The following RPS6KA2 variants were observed in gnomAD, a reference collection of about 807,000 sequenced individuals.
RPS6KA2 encodes ribosomal protein S6 kinase alpha-2.
A neutral mutation model predicts 91.8 loss-of-function variants in RPS6KA2; 42 were observed. The observed-to-expected ratio is 0.46, with a 90% CI of 0.36 to 0.59. RPS6KA2 has a LOEUF of 0.59. Among genes scored for constraint, RPS6KA2 ranks in the 20% least tolerant of loss-of-function variants. The pLI, the probability that RPS6KA2 is intolerant of heterozygous loss-of-function variation, is 0.00. For synonymous variants in RPS6KA2, 414 were observed against 393.6 expected (o/e 1.05, Z -0.61); for missense variants, 798 against 978.5 (o/e 0.82, Z 2.46).
At chr6:166,851,661 TAG>T (rs1165162362) in intron 2 of RPS6KA2, among the ~76,000 whole-genome samples, 1 of 152,186 alleles carries the variant, frequency 6.6e-6, no homozygotes, top group African/African-American at 2.4e-5. Context: ...CCCACGATTT[TAG>T]AGACTGTTCC....
At chr6:166,841,926 T>C (rs1414448508) in intron 2 of RPS6KA2, among the ~76,000 whole-genome samples, 1 of 152,134 alleles carries the variant, frequency 6.6e-6, no homozygotes, top group East Asian at 1.9e-4. Context: ...GCCTCAGGTC[T>C]TCCCTAAGGG....
At chr6:166,519,264 C>T (rs188768065) in intron 3 of RPS6KA2, among the ~76,000 whole-genome samples, 2 of 152,318 alleles carry the variant, frequency 1.3e-5, no homozygotes, top group Admixed American at 1.3e-4. Context: ...GGAGCCAGGC[C>T]ATTTGGCCCA....
chr6:166,626,924 G>C lies in RPS6KA2; in HGVS notation c.96C>G (p.Leu32=). The change falls in exon 1 of 21, where the codon CTC becomes CTG. Residue 32 remains leucine, a synonymous_variant. Coordinates refer to ENST00000265678, the MANE Select transcript of RPS6KA2 (RefSeq NM_021135.6). This position sits in a 1 kb window ranked among gnomAD's most constrained non-coding sequence, Gnocchi z 4.1. The part of the protein sequence containing the change: ...SRSKSSSLSR[L]EEEGVVKEID... ...GCCCCGAGGGCGGCCGCATTACCTC[G>C]AGCCGGCTCAGGCTGGAGCTCTTGG... 6.5e-7 allele frequency: 1 copy of C among 1,529,674 alleles called. No individual in the cohort carries two copies. Among genetic ancestry groups the C allele is most frequent in the Middle Eastern group, 1.9e-4 (1 of 5,214 alleles). The allele number at this position is 1,529,674 out of a possible 1,614,324, so 94.8% of individuals were successfully genotyped here.
Position 166,538,777 on chromosome 6 carries a change from C to A in RPS6KA2, c.107G>T (p.Gly36Val). ...GCTGATGTCTATCTCCTTCACGACG[C>A]CTTCTTCCTGCAAGAGAGCGGCACG... ...SSSLSRLEEE[G>V]VVKEIDISHH... is the part of the protein sequence containing the mutation. Residue 36 changes from glycine (G) to valine (V), a missense_variant, in exon 2 of 21, where the codon GGC becomes GTC. By Grantham distance (109) the Gly-to-Val change is moderately radical. Coordinates refer to ENST00000265678, the MANE Select transcript of RPS6KA2 (RefSeq NM_021135.6). 2 of 1,555,988 alleles carry A rather than the reference C, an allele frequency of 1.3e-6. No individual in the cohort carries two copies.
chr6:166,854,638 G>A (rs2345674), intron 2 of RPS6KA2, among the ~76,000 whole-genome samples: 110,395 of 152,210 alleles, frequency 0.73, 45,534 homozygotes, highest in Non-Finnish European at 0.92. Flanking sequence ...CTGGCAAGAG[G>A]CATGAAACGT....
intron 2 of RPS6KA2, among the ~76,000 whole-genome samples, chr6:166,742,075 C>G (rs533549109): frequency 1.3e-5 from 2 of 152,228 alleles, no homozygotes; most frequent in South Asian, 4.2e-4. Flanking sequence ...TTGCAGTGAG[C>G]CAAGCTGAGA....
At chr6:166,641,497 G>A (rs927878461) in intron 2 of RPS6KA2, among the ~76,000 whole-genome samples, 1 of 151,674 alleles carries the variant, frequency 6.6e-6, no homozygotes, top group Non-Finnish European at 1.5e-5. Context: ...GCTGAGGTGG[G>A]CGGATCACTT....
Position 166,635,244 on chromosome 6 carries a change from G to C in RPS6KA2, c.124-96460C>G, listed in dbSNP as rs1787196999. Reference sequence around the variant, plus strand: ...TGTCATTCATCAACCCAGGTCCTCTGCGCATCTACTGTGCCTGCTGCTGTG... The same window carrying C: ...TGTCATTCATCAACCCAGGTCCTCTCCGCATCTACTGTGCCTGCTGCTGTG... On this transcript the variant is annotated intron_variant, in intron 2 of 21. Transcript: ENST00000503859. The surrounding 1 kb of genome is among the most constrained non-coding windows in gnomAD (Gnocchi z 4.8). 6.6e-6 allele frequency among the ~76,000 whole-genome samples: 1 copy of C among 152,200 alleles called. No individual in the cohort carries two copies. The highest frequency in any genetic ancestry group is 2.1e-4 in the South Asian group (1 of 4,834).
intron 12 of RPS6KA2, among the ~76,000 whole-genome samples, chr6:166,452,748 A>T (rs186483315): frequency 3.9e-4 from 60 of 152,350 alleles, no homozygotes; most frequent in Non-Finnish European, 3.1e-4. Flanking sequence ...TTAGTTCGTC[A>T]TAAGCAAAAG....
rs536738322 is a variant in RPS6KA2 at position 166,504,535 on chromosome 6, C to A, written c.537G>T (p.Gly179=). Residue 179 remains glycine (G), a synonymous_variant, in exon 6 of 21, where the codon GGG becomes GGT. Transcript: ENST00000265678. ...ALALDHLHSL[G]IIYRDLKPEN... is the part of the protein sequence containing the mutation. The stretch of plus-strand genomic sequence containing the variant: ...CAGGCTTCAGATCTCTGTAGATGAT[C>A]CCCAGGCTGTGGAGATGGTCTAAAG... 1 of 1,613,376 alleles carries A rather than the reference C, an allele frequency of 6.2e-7. No homozygotes were observed. Among genetic ancestry groups the A allele is most frequent in the Non-Finnish European group, 8.5e-7 (1 of 1,179,470 alleles).
rs117713530 is a variant in RPS6KA2 at position 166,840,997 on chromosome 6, T to C, written c.123+17203A>G. On this transcript the variant is annotated intron_variant, in intron 2 of 21. Coordinates refer to the RPS6KA2 transcript ENST00000503859. ...AAAAGAAAAAAGAAAAAAAGAAAGC[T>C]GAGGCTGGGTGTGGTAGCTCACATC... is the stretch of plus-strand genomic sequence containing the variant. Among the ~76,000 whole-genome samples the C allele has an allele frequency of 5.5e-3, 833 of 151,672 alleles. 3 individuals are homozygous for C. Among genetic ancestry groups the C allele is most frequent in the Non-Finnish European group, 9.3e-3 (628 of 67,882 alleles).
At chr6:166,858,628 G>A (rs1780972227) in intron 1 of RPS6KA2, among the ~76,000 whole-genome samples, 3 of 152,374 alleles carry the variant, frequency 2.0e-5, no homozygotes, top group African/African-American at 4.8e-5. Flanking sequence ...CGGAGCTGAT[G>A]TGGAAGCACA....
intron 1 of RPS6KA2, among the ~76,000 whole-genome samples, chr6:166,621,578 A>C (rs186760651): frequency 1.3e-5 from 2 of 152,366 alleles, no homozygotes; most frequent in African/African-American, 4.8e-5. Context: ...AATGCAACAC[A>C]ACCTAATTCA....
intron 2 of RPS6KA2, among the ~76,000 whole-genome samples, chr6:166,856,990 C>G (rs1780918900): frequency 6.6e-6 from 1 of 152,216 alleles, no homozygotes; most frequent in South Asian, 2.1e-4. Flanking sequence ...ACTCTAGACT[C>G]CCAGATTAGT....
At chr6:166,783,506 T>C (rs949731448) in intron 2 of RPS6KA2, among the ~76,000 whole-genome samples, 1 of 152,086 alleles carries the variant, frequency 6.6e-6, no homozygotes, top group Non-Finnish European at 1.5e-5. Context: ...AATTGCTGTC[T>C]CTCTCTAGAT....
At chr6:166,504,824 G>C (rs779538548) in intron 5 of RPS6KA2, among the ~76,000 whole-genome samples, 2 of 152,128 alleles carry the variant, frequency 1.3e-5, no homozygotes, top group African/African-American at 4.8e-5. Context: ...GGAGACGAGG[G>C]CTTCCTGCAC....
At chr6:166,702,229 CAGGCACAG>C in intron 2 of RPS6KA2, 1 of 1,611,464 alleles carries the variant, frequency 6.2e-7, no homozygotes, top group Middle Eastern at 1.7e-4. Context: ...TGGGAACCAG[CAGGCACAG>C]AGGCAAATCA....
rs117399426 is a variant in RPS6KA2, at chr6:166,726,396, G to C, written c.123+131804C>G. Among the ~76,000 whole-genome samples the C allele has an allele frequency of 8.1e-3, 1,239 of 152,314 alleles. 43 individuals are homozygous for C. Among genetic ancestry groups the C allele is most frequent in the East Asian group, 0.066 (343 of 5,174 alleles). On this transcript the variant is annotated intron_variant, in intron 2 of 21. Transcript: ENST00000503859. The surrounding 1 kb of genome is among the most constrained non-coding windows in gnomAD (Gnocchi z 4.4). ...CGATTCCTAGAGCTGCAAGCAGCAA[G>C]TTGACACAACACTTAGCAAACTCTT...
chr6:166,651,722 A>T lies in RPS6KA2; in HGVS notation c.124-112938T>A, dbSNP rs548132321. Among the ~76,000 whole-genome samples the T allele has an allele frequency of 2.6e-5, 4 of 152,372 alleles. No homozygotes were observed. The South Asian group carries it at 8.3e-4, about 32-fold the overall frequency. ...CACAGGATGCTTCGATCTGATGACG[A>T]TGGTGTTTATGCAGTGATGTGTGGC... On this transcript the variant is annotated intron_variant, in intron 2 of 21. Transcript: ENST00000503859.
Sources: gnomAD v4.1 joint callset for allele counts (sites outside exome capture counted in the v4.1 genomes callset) on GRCh38, gnomAD v4.1.1 for gene constraint, Gnocchi (gnomAD v3.1) non-coding constraint, MANE v1.5 for transcripts, NCBI Gene and HGNC (gene_info 2026-07-23, HGNC 2026-07-21) for gene names.